Variants in RGS6 observed in about 807,000 individuals in gnomAD.
RGS6 encodes regulator of G protein signaling 6.
In RGS6, 30 loss-of-function variants were observed where a neutral mutation model predicts 78.5. The observed-to-expected ratio is 0.38, with a 90% confidence interval of 0.29 to 0.52. RGS6 has a LOEUF of 0.52. Among genes scored for constraint, RGS6 ranks in the 20% least tolerant of loss-of-function variants. The pLI is 0.85. For missense variants in RGS6, 495 were observed against 609.7 expected (o/e 0.81, Z 1.98); for synonymous variants, 206 against 206.0 (o/e 1.00, Z 0.00).
intron 2 of RGS6, among the ~76,000 whole-genome samples, chr14:72,093,144 T>C (rs1597431567): frequency 6.6e-6 from 1 of 152,162 alleles, no homozygotes; most frequent in African/African-American, 2.4e-5. Context: ...ATATCCCTCT[T>C]GATCTCTTTC....
At chr14:72,584,723 GAC>G in the RGS6 span, among the ~76,000 whole-genome samples, 1 of 152,360 alleles carries the variant, frequency 6.6e-6, no homozygotes, top group African/African-American at 2.4e-5. Flanking sequence ...GACAGGGATT[GAC>G]AGTGACTAGC....
chr14:72,490,430 C>T (rs1022461407), intron 12 of RGS6, among the ~76,000 whole-genome samples: 1 of 152,154 alleles, frequency 6.6e-6, no homozygotes, highest in Non-Finnish European at 1.5e-5. Flanking sequence ...ACTAATACAG[C>T]TCTTATTGGT....
chr14:72,060,910 T>G (rs2093862836), intron 2 of RGS6, among the ~76,000 whole-genome samples: 1 of 152,230 alleles, frequency 6.6e-6, no homozygotes, highest in Admixed American at 6.5e-5. Flanking sequence ...GCCATCTATG[T>G]GTTCAAACAT....
the RGS6 span, among the ~76,000 whole-genome samples, chr14:71,877,283 T>TC: frequency 1.3e-5 from 2 of 152,248 alleles, no homozygotes; most frequent in Admixed American, 1.3e-4. Flanking sequence ...CCAACTTGTT[T>TC]CCATTCTCCC....
At chr14:72,194,136 G>T (rs971754657) in intron 2 of RGS6, among the ~76,000 whole-genome samples, 3 of 152,108 alleles carry the variant, frequency 2.0e-5, no homozygotes, top group Non-Finnish European at 4.4e-5. Context: ...GAGGTGGTGA[G>T]GAACGGTCGG....
At chr14:72,135,309 C>A (rs1430755039) in intron 2 of RGS6, among the ~76,000 whole-genome samples, 1 of 152,126 alleles carries the variant, frequency 6.6e-6, no homozygotes, top group African/African-American at 2.4e-5. Flanking sequence ...ACTCCCTGGA[C>A]TGTGAGGCAG....
intron 2 of RGS6, among the ~76,000 whole-genome samples, chr14:72,078,827 C>T (rs936418981): frequency 2.0e-5 from 3 of 152,192 alleles, no homozygotes; most frequent in African/African-American, 7.2e-5. Flanking sequence ...TTTATCTACC[C>T]ATCACGGTTT....
chr14:72,223,813 C>G (rs903074155), intron 2 of RGS6, among the ~76,000 whole-genome samples: 3 of 152,206 alleles, frequency 2.0e-5, no homozygotes, highest in African/African-American at 7.2e-5. Flanking sequence ...GCACCTGCAT[C>G]AGAATCATCT....
the RGS6 span, among the ~76,000 whole-genome samples, chr14:72,627,723 T>G: frequency 6.6e-6 from 1 of 152,128 alleles, no homozygotes; most frequent in African/African-American, 2.4e-5. Context: ...TGAGATAAAT[T>G]TATAAATTAA....
intron 2 of RGS6, among the ~76,000 whole-genome samples, chr14:72,113,915 A>G (rs1307548159): frequency 6.6e-6 from 1 of 152,236 alleles, no homozygotes; most frequent in Non-Finnish European, 1.5e-5. Context: ...CAATAATGCA[A>G]TCTGCAAGTC....
intron 2 of RGS6, among the ~76,000 whole-genome samples, chr14:72,241,649 TTTAAG>T (rs1253049613): frequency 2.6e-5 from 4 of 152,236 alleles, no homozygotes; most frequent in East Asian, 1.9e-4. Context: ...TTATTGGACA[TTTAAG>T]TTGTTTATAA....
chr14:72,609,963 C>A, the RGS6 span, among the ~76,000 whole-genome samples: 2 of 152,142 alleles, frequency 1.3e-5, no homozygotes, highest in Non-Finnish European at 1.5e-5. Context: ...GGAGGGTGTT[C>A]AAAAGAGCAA....
intron 1 of RGS6, among the ~76,000 whole-genome samples, chr14:71,954,433 A>T (rs919214350): frequency 1.3e-5 from 2 of 152,042 alleles, no homozygotes; most frequent in African/African-American, 4.8e-5. Flanking sequence ...GTCTTAAAAA[A>T]TTTCTTAAAT....
chr14:72,517,124 A>T, intron 14 of RGS6, among the ~76,000 whole-genome samples: 1 of 133,992 alleles, frequency 7.5e-6, no homozygotes, highest in East Asian at 2.6e-4. Flanking sequence ...ACAGAAAAAC[A>T]TGTTTAACCC....
At chr14:72,261,547 C>T (rs1262296382) in intron 2 of RGS6, among the ~76,000 whole-genome samples, 3 of 151,948 alleles carry the variant, frequency 2.0e-5, no homozygotes, top group East Asian at 1.9e-4. Flanking sequence ...TGTCCAGCTG[C>T]AGGGAATGGA....
intron 3 of RGS6, among the ~76,000 whole-genome samples, chr14:72,357,850 G>A (rs2080650303): frequency 6.6e-6 from 1 of 152,150 alleles, no homozygotes; most frequent in Non-Finnish European, 1.5e-5. Context: ...AAGACAGTGG[G>A]GAAAATGTCT....
intron 17 of RGS6, among the ~76,000 whole-genome samples, chr14:72,556,825 CTT>C (rs943755833): frequency 2.6e-5 from 4 of 152,054 alleles, no homozygotes; most frequent in Admixed American, 2.6e-4. Flanking sequence ...GTGAACGTCT[CTT>C]TTTTGATTAA....
At chr14:72,464,965 G>T (rs1413632337) in intron 6 of RGS6, among the ~76,000 whole-genome samples, 1 of 152,190 alleles carries the variant, frequency 6.6e-6, no homozygotes, top group Non-Finnish European at 1.5e-5. Context: ...CAGGATTTCA[G>T]TGCAATGGAA....
chr14:72,341,835 G>A (rs2077064234), intron 2 of RGS6, among the ~76,000 whole-genome samples: 1 of 152,150 alleles, frequency 6.6e-6, no homozygotes, highest in South Asian at 2.1e-4. Flanking sequence ...CGTCAGAAAG[G>A]AAATGAACCA....
Sources: allele counts gnomAD v4.1 joint callset (sites outside exome capture counted in the v4.1 genomes callset), GRCh38; gene constraint gnomAD v4.1.1; transcripts MANE v1.5; gene names NCBI Gene and HGNC (gene_info 2026-07-23, HGNC 2026-07-21).